Variants in GALNT17 observed in about 807,000 individuals in gnomAD.
GALNT17 encodes polypeptide N-acetylgalactosaminyltransferase 17.
GALNT17 carries 29 observed loss-of-function variants against 63.7 expected under a neutral mutation model. The ratio of observed to expected loss-of-function variants is 0.46; its 90% CI spans 0.34 to 0.62. GALNT17 has a LOEUF of 0.62. Among genes scored for constraint, GALNT17 ranks in the 20% least tolerant of loss-of-function variants. GALNT17 has a pLI of 0.01. For synonymous variants in GALNT17, 305 were observed against 318.3 expected (o/e 0.96, Z 0.45); for missense variants, 603 against 799.6 (o/e 0.75, Z 2.97).
chr7:71,540,379 A>G (rs1309210280), intron 5 of GALNT17, among the ~76,000 whole-genome samples: 1 of 151,624 alleles, frequency 6.6e-6, no homozygotes, highest in East Asian at 1.9e-4. Flanking sequence ...CGCCTCCCAA[A>G]GTGCTGGGAT....
intron 3 of GALNT17, 105 bp downstream of exon 3, chr7:71,388,506 C>A: frequency 2.2e-6 from 3 of 1,333,666 alleles, no homozygotes; most frequent in East Asian, 2.4e-5. Flanking sequence ...GTCCCTGGAG[C>A]ATATCTGGGG....
At chr7:71,325,429 T>C (rs1012772882) in intron 1 of GALNT17, among the ~76,000 whole-genome samples, 3 of 152,188 alleles carry the variant, frequency 2.0e-5, no homozygotes, top group Non-Finnish European at 4.4e-5. Flanking sequence ...TGAGGAGCTT[T>C]ATGAGTTGAC....
chr7:71,377,114 A>ATATATATATATATAT (rs1554362120), intron 2 of GALNT17, among the ~76,000 whole-genome samples: 12 of 57,454 alleles, frequency 2.1e-4, no homozygotes, highest in African/African-American at 7.5e-4. Flanking sequence ...AAATAAAAAA[A>ATATATATATATATAT]ATATATATAT....
intron 6 of GALNT17, among the ~76,000 whole-genome samples, chr7:71,632,948 A>G (rs1413926278): frequency 6.6e-6 from 1 of 151,876 alleles, no homozygotes; most frequent in East Asian, 1.9e-4. Context: ...TACTAAAAAT[A>G]CAAAAACTAG....
chr7:71,343,040 A>G (rs1248318127), intron 2 of GALNT17, among the ~76,000 whole-genome samples: 1 of 152,248 alleles, frequency 6.6e-6, no homozygotes, highest in Non-Finnish European at 1.5e-5. Flanking sequence ...TTGAGAGCCC[A>G]TAGGCCATAG....
Position 71,499,179 on chromosome 7 carries a change from G to A in GALNT17, c.963-72106G>A, listed in dbSNP as rs138898959. Among the ~76,000 whole-genome samples, 88 of 152,138 alleles carry A rather than the reference G, an allele frequency of 5.8e-4. No individual in the cohort carries two copies. In the East Asian group the frequency reaches 0.013, roughly 22 times the overall value. On this transcript the variant is annotated intron_variant, in intron 5 of 10. Coordinates refer to ENST00000333538, the MANE Select transcript of GALNT17 (RefSeq NM_022479.3). ...TTGAATGGCATTTCATTCTCAGACCGTCATCCCCTTACCTGAATGTTAATA... is the reference window on the plus strand; with the variant it reads ...TTGAATGGCATTTCATTCTCAGACCATCATCCCCTTACCTGAATGTTAATA...
At chr7:71,668,941 G>T (rs1379243712) in intron 7 of GALNT17, among the ~76,000 whole-genome samples, 2 of 152,146 alleles carry the variant, frequency 1.3e-5, no homozygotes, top group African/African-American at 4.8e-5. Flanking sequence ...AAATTTTGCA[G>T]GTATAGGAAA....
chr7:71,236,530 C>T (rs1428781222), intron 1 of GALNT17, among the ~76,000 whole-genome samples: 10 of 152,122 alleles, frequency 6.6e-5, no homozygotes, highest in Admixed American at 3.9e-4. Flanking sequence ...ATAGGGGTGC[C>T]TTGTTATCTT....
chr7:71,355,019 A>T (rs1330794413), intron 2 of GALNT17, among the ~76,000 whole-genome samples: 2 of 151,992 alleles, frequency 1.3e-5, no homozygotes, highest in African/African-American at 4.8e-5. Context: ...TATTTTTAAC[A>T]GTTATTTGTT....
chr7:71,244,897 C>T (rs1308560550), intron 1 of GALNT17, among the ~76,000 whole-genome samples: 1 of 151,818 alleles, frequency 6.6e-6, no homozygotes, highest in African/African-American at 2.4e-5. Context: ...CTGCATTGAG[C>T]TATCATGGCA....
At chr7:71,205,185 C>T (rs1159667455) in intron 1 of GALNT17, among the ~76,000 whole-genome samples, 5 of 123,502 alleles carry the variant, frequency 4.0e-5, no homozygotes, top group African/African-American at 6.3e-5. Flanking sequence ...GACAGAGTCT[C>T]GCTCTGTTGC....
chr7:71,201,602 ATTATACT>A (rs1029157250), intron 1 of GALNT17, among the ~76,000 whole-genome samples: 1 of 148,028 alleles, frequency 6.8e-6, no homozygotes, highest in African/African-American at 2.5e-5. Flanking sequence ...AATGCATGAA[ATTATACT>A]TTATTTTACT....
At chr7:71,537,442 C>T (rs897237630) in intron 5 of GALNT17, among the ~76,000 whole-genome samples, 2 of 152,088 alleles carry the variant, frequency 1.3e-5, no homozygotes, top group Non-Finnish European at 2.9e-5. Flanking sequence ...GGGGTCTTTG[C>T]AGATCTGAAG....
intron 5 of GALNT17, among the ~76,000 whole-genome samples, chr7:71,473,854 C>G (rs2116622661): frequency 6.6e-6 from 1 of 152,214 alleles, no homozygotes; most frequent in South Asian, 2.1e-4. Context: ...ATCCAGATCC[C>G]AAGAGAGGGT....
At chr7:71,341,946 G>GATGCAGGAGC (rs1792012886) in intron 2 of GALNT17, among the ~76,000 whole-genome samples, 1 of 152,164 alleles carries the variant, frequency 6.6e-6, no homozygotes. Flanking sequence ...GATGCAGGAG[G>GATGCAGGAGC]ATGCAGGGCT....
At chr7:71,629,404 C>T (rs1241941150) in intron 6 of GALNT17, among the ~76,000 whole-genome samples, 9 of 152,174 alleles carry the variant, frequency 5.9e-5, no homozygotes, top group African/African-American at 2.2e-4. Flanking sequence ...ACATTACAAA[C>T]TCAGAACATC....
At chr7:71,241,100 T>C in intron 1 of GALNT17, among the ~76,000 whole-genome samples, 1 of 152,214 alleles carries the variant, frequency 6.6e-6, no homozygotes, top group East Asian at 1.9e-4. Flanking sequence ...TATGATGATG[T>C]TCTCTGTAAG....
chr7:71,353,354 A>G (rs2116191513), intron 2 of GALNT17, among the ~76,000 whole-genome samples: 1 of 152,296 alleles, frequency 6.6e-6, no homozygotes, highest in South Asian at 2.1e-4. Flanking sequence ...CCCAAGAACA[A>G]GGGCATTCTC....
chr7:71,593,259 CTTTTTTTTT>C (rs56193714), intron 6 of GALNT17, among the ~76,000 whole-genome samples: 2 of 70,992 alleles, frequency 2.8e-5, no homozygotes, highest in Non-Finnish European at 4.9e-5. Context: ...ATTTTTCTTC[CTTTTTTTTT>C]TTTTTTTTTT....
Sources: allele counts gnomAD v4.1 joint callset (sites outside exome capture counted in the v4.1 genomes callset), GRCh38; gene constraint gnomAD v4.1.1; transcripts MANE v1.5; gene names NCBI Gene and HGNC (gene_info 2026-07-23, HGNC 2026-07-21).